Variants in SULT4A1 observed in about 807,000 individuals in gnomAD.
The protein encoded by SULT4A1 is sulfotransferase family 4A member 1, also known as sulfotransferase 4A1.
A neutral mutation model predicts 35.2 loss-of-function variants in SULT4A1; 11 were observed. The observed-to-expected ratio is 0.31, with a 90% CI of 0.20 to 0.52. SULT4A1 has a LOEUF of 0.52. SULT4A1 is among the 20% of genes least tolerant of loss of function. The probability of loss-of-function intolerance (pLI) is 0.97; values close to 1 mark genes in which losing one functional copy is unlikely to be tolerated. For synonymous variants in SULT4A1, 152 were observed against 151.8 expected (o/e 1.00, Z -0.01); for missense variants, 271 against 383.7 (o/e 0.71, Z 2.45).
intron 4 of SULT4A1, among the ~76,000 whole-genome samples, chr22:43,834,090 A>T (rs1469200017): frequency 3.3e-5 from 5 of 152,286 alleles, no homozygotes; most frequent in Admixed American, 2.6e-4. Context: ...AGGGGCCGCT[A>T]GGGTTGCTAG....
At position 43,844,998 on chromosome 22, in the gene SULT4A1, C is replaced by T. The variant is rs371579228; in HGVS notation, c.170-3066G>A. Among the ~76,000 whole-genome samples, 11 of 152,136 alleles carry T rather than the reference C, an allele frequency of 7.2e-5. No individual in the cohort carries two copies. In the East Asian group the frequency reaches 1.4e-3, roughly 19 times the overall value. ...GGCAGGACACCCAACCAGAAGTGTG[C>T]CGGGACCAAAGGTAACTCCCAGGGA... is the stretch of plus-strand genomic sequence containing the variant. On this transcript the variant is annotated intron_variant, in intron 1 of 6. Coordinates refer to ENST00000330884, the MANE Select transcript of SULT4A1 (RefSeq NM_014351.4).
At chr22:43,843,992 G>A (rs964516061) in intron 1 of SULT4A1, among the ~76,000 whole-genome samples, 3 of 152,236 alleles carry the variant, frequency 2.0e-5, no homozygotes, top group East Asian at 1.9e-4. Flanking sequence ...GTGGGATCTC[G>A]TGCTGTCTCC....
rs371948675 is a variant in SULT4A1 at position 43,857,050 on chromosome 22, T to C, written c.169+5164A>G. ...ATGTTAAAGGTTCCCAAGGAAAAGA[T>C]GGACAACACACATGAATAGATGGGA... On this transcript the variant is annotated intron_variant, in intron 1 of 6. Coordinates refer to ENST00000330884, the MANE Select transcript of SULT4A1 (RefSeq NM_014351.4). Among the ~76,000 whole-genome samples, 13 of 152,188 alleles carry C rather than the reference T, an allele frequency of 8.5e-5. No individual in the cohort carries two copies. In the East Asian group the frequency reaches 1.7e-3, roughly 20 times the overall value.
intron 1 of SULT4A1, among the ~76,000 whole-genome samples, chr22:43,849,773 G>A (rs2063499110): frequency 6.6e-6 from 1 of 152,200 alleles, no homozygotes; most frequent in Non-Finnish European, 1.5e-5. Context: ...GCAAAAGGCT[G>A]TCACACTGAC....
chr22:43,857,594 G>A (rs2049416821), intron 1 of SULT4A1, among the ~76,000 whole-genome samples: 1 of 152,056 alleles, frequency 6.6e-6, no homozygotes, highest in Non-Finnish European at 1.5e-5. Context: ...AGGCTTAGAG[G>A]AATCCCAAGT....
intron 1 of SULT4A1, among the ~76,000 whole-genome samples, chr22:43,847,625 C>T (rs1211787335): frequency 6.6e-6 from 1 of 151,948 alleles, no homozygotes; most frequent in African/African-American, 2.4e-5. Flanking sequence ...CTTCCAAGCC[C>T]AGCGCCCCAG....
chr22:43,833,726 C>A lies in SULT4A1; in HGVS notation c.517G>T (p.Gly173Cys). 6.4e-7 allele frequency: 1 copy of A among 1,570,988 alleles called. No individual in the cohort carries two copies. Among genetic ancestry groups the A allele is most frequent in the Non-Finnish European group, 8.6e-7 (1 of 1,157,484 alleles). Residue 173 changes from glycine to cysteine, a missense_variant, in exon 5 of 7, where the codon GGC becomes TGC. Physicochemically the swap from Gly to Cys is radical, Grantham distance 159. This residue lies in a region of SULT4A1 where 164 missense variants were observed against 254.1 expected (regional missense o/e 0.65). Transcript: ENST00000330884. ...RRFMNDKLGYGSWFEHVQEFW... is the reference protein window; with the variant it reads ...RRFMNDKLGYCSWFEHVQEFW... ...TCCTGCACGTGCTCAAACCAGGAGC[C>A]GTAGCCCACTGCGGAGACAGGGGAC...
chr22:43,860,415 CGT>C lies in SULT4A1; in HGVS notation c.169+1797_169+1798del, dbSNP rs199853833. The stretch of plus-strand genomic sequence containing the variant: ...CAGCATTAACCACGAGCCTTTCCAG[CGT>C]GTGTCTGGACGTGGGCTAAGCGTTC... On this transcript the variant is annotated intron_variant, in intron 1 of 6. Coordinates refer to ENST00000330884, the MANE Select transcript of SULT4A1 (RefSeq NM_014351.4). Among the ~76,000 whole-genome samples, 406 of 152,332 alleles carry C rather than the reference CGT, an allele frequency of 2.7e-3. 3 individuals carry two copies. The highest frequency in any genetic ancestry group is 3.9e-3 in the Non-Finnish European group (268 of 68,020).
chr22:43,846,053 C>T (rs1254685666), intron 1 of SULT4A1, among the ~76,000 whole-genome samples: 2 of 151,922 alleles, frequency 1.3e-5, no homozygotes, highest in Admixed American at 6.5e-5. Flanking sequence ...CTGTCCACTG[C>T]CGCCGTCAGG....
chr22:43,835,375 T>G (rs915183449), intron 4 of SULT4A1, among the ~76,000 whole-genome samples: 4 of 152,236 alleles, frequency 2.6e-5, no homozygotes, highest in African/African-American at 9.6e-5. Context: ...TAAGGATCAC[T>G]GGGCAGTCGG....
At chr22:43,833,539 T>C in intron 5 of SULT4A1, 101 bp downstream of exon 5, 2 of 329,200 alleles carry the variant, frequency 6.1e-6, no homozygotes, top group Non-Finnish European at 4.6e-6. Context: ...CTCAGACCCC[T>C]CCTCCTCCTC....
chr22:43,840,978 G>A (rs1208838922), intron 2 of SULT4A1, among the ~76,000 whole-genome samples: 1 of 152,194 alleles, frequency 6.6e-6, no homozygotes, highest in African/African-American at 2.4e-5. Flanking sequence ...CCCTCCCAGC[G>A]CTGATCGCTG....
At chr22:43,854,794 G>A (rs2049384199) in intron 1 of SULT4A1, among the ~76,000 whole-genome samples, 1 of 152,218 alleles carries the variant, frequency 6.6e-6, no homozygotes, top group Non-Finnish European at 1.5e-5. Flanking sequence ...GGGTTCCACA[G>A]AGGAACCCCT....
chr22:43,862,512 A>T lies in SULT4A1; in HGVS notation c.-130T>A. 1.2e-6 allele frequency: 1 copy of T among 853,408 alleles called. No homozygotes were observed. The highest frequency in any genetic ancestry group is 1.2e-4 in the East Asian group (1 of 8,020). 52.9% of individuals were successfully genotyped at this position (853,408 alleles called of 1,614,324 possible). A position where few individuals can be genotyped will look rare whatever the true frequency, so the allele number is the denominator to read the frequency against. ...GCGCGGCGGCAGCTCCGCAGGCGTG[A>T]CGTCATGGCGCCGCCGACGCGCGGC... On this transcript the variant is annotated 5_prime_UTR_variant, in exon 1 of 7. Coordinates refer to ENST00000330884, the MANE Select transcript of SULT4A1 (RefSeq NM_014351.4).
rs1232618721 is a variant in SULT4A1 at position 43,862,424 on chromosome 22, AGCCCGCACGC to A, written c.-52_-43del. On this transcript the variant is annotated 5_prime_UTR_variant, in exon 1 of 7. Coordinates refer to ENST00000330884, the MANE Select transcript of SULT4A1 (RefSeq NM_014351.4). ...TCGCCGCCGCCGCCTCCCGGCTCGCAGCCCGCACGCGCCCGCGCCCGCGCCCGCGCCCGCG... is the reference window on the plus strand; with the variant it reads ...TCGCCGCCGCCGCCTCCCGGCTCGCAGCCCGCGCCCGCGCCCGCGCCCGCG... 9 of 989,680 alleles carry A rather than the reference AGCCCGCACGC, an allele frequency of 9.1e-6. No homozygotes were observed. The African/African-American group carries it at 1.7e-4, about 19-fold the overall frequency. The allele number at this position is 989,680 out of a possible 1,614,324, so 61.3% of individuals were successfully genotyped here.
At chr22:43,840,392 C>T (rs1372980115) in intron 2 of SULT4A1, among the ~76,000 whole-genome samples, 1 of 152,024 alleles carries the variant, frequency 6.6e-6, no homozygotes, top group Non-Finnish European at 1.5e-5. Flanking sequence ...GAGTCTCGGA[C>T]CCAGCCAGGA....
chr22:43,836,114 T>C (rs2063369564), intron 4 of SULT4A1, among the ~76,000 whole-genome samples: 1 of 152,252 alleles, frequency 6.6e-6, no homozygotes, highest in African/African-American at 2.4e-5. Flanking sequence ...CATGCCACAC[T>C]GCGGGTGCCA....
chr22:43,853,869 G>A (rs1395876336), intron 1 of SULT4A1, among the ~76,000 whole-genome samples: 1 of 152,198 alleles, frequency 6.6e-6, no homozygotes, highest in African/African-American at 2.4e-5. Context: ...TCCGCCCCAG[G>A]GGGCAGAAGC....
intron 4 of SULT4A1, among the ~76,000 whole-genome samples, chr22:43,836,519 A>G: frequency 7.0e-6 from 1 of 143,618 alleles, no homozygotes; most frequent in South Asian, 2.3e-4. Context: ...GCCTGCCTAC[A>G]CAGCGTCCTC....
Sources: gnomAD v4.1 joint callset for allele counts (sites outside exome capture counted in the v4.1 genomes callset) on GRCh38, gnomAD v4.1.1 for gene constraint, gnomAD v4.1.1 regional missense constraint, MANE v1.5 for transcripts, NCBI Gene and HGNC (gene_info 2026-07-23, HGNC 2026-07-21) for gene names.